Variants in EPHB2 observed in about 807,000 individuals in gnomAD.
EPHB2 encodes the protein EPH receptor B2.
EPHB2 carries 18 observed loss-of-function variants against 96.4 expected under a neutral mutation model. The ratio of observed to expected loss-of-function variants is 0.19; its 90% CI spans 0.13 to 0.28. EPHB2 has a LOEUF of 0.28. Ranked by LOEUF, EPHB2 falls within the 10% of genes least tolerant of loss-of-function variation. The pLI, the probability that EPHB2 is intolerant of heterozygous loss-of-function variation, is 1.00. For synonymous variants in EPHB2, 506 were observed against 534.1 expected, an observed-to-expected ratio of 0.95 and a Z score of 0.72; for missense variants, 989 against 1,355.4, an observed-to-expected ratio of 0.73 and a Z score of 4.25.
chr1:22,892,267 G>A (rs1639414032), intron 6 of EPHB2, among the ~76,000 whole-genome samples: 2 of 152,192 alleles, frequency 1.3e-5, no homozygotes, highest in African/African-American at 4.8e-5. Flanking sequence ...AATGAGGTGG[G>A]CCTTCTCCCT....
At chr1:22,828,617 G>A (rs987399586) in intron 3 of EPHB2, among the ~76,000 whole-genome samples, 1 of 152,192 alleles carries the variant, frequency 6.6e-6, no homozygotes, top group Non-Finnish European at 1.5e-5. Context: ...CAAGATGACA[G>A]GCTCACGTGA....
At chr1:22,764,008 C>G (rs1644271480) in intron 1 of EPHB2, among the ~76,000 whole-genome samples, 1 of 152,204 alleles carries the variant, frequency 6.6e-6, no homozygotes, top group South Asian at 2.1e-4. Context: ...ATTAGACCCA[C>G]TTGGCTAATC....
At chr1:22,753,056 C>T (rs1355339536) in intron 1 of EPHB2, among the ~76,000 whole-genome samples, 4 of 152,038 alleles carry the variant, frequency 2.6e-5, no homozygotes, top group Non-Finnish European at 5.9e-5. Flanking sequence ...GCTGGGACTA[C>T]AGGCATGAAC....
At chr1:22,726,629 C>T (rs1424611561) in intron 1 of EPHB2, among the ~76,000 whole-genome samples, 1 of 152,064 alleles carries the variant, frequency 6.6e-6, no homozygotes, top group Non-Finnish European at 1.5e-5. Flanking sequence ...ACCATGTTGG[C>T]CAGGCTGGTC....
At position 22,917,438 on chromosome 1, in the gene EPHB2, T is replaced by A. The variant is rs1391026965; in HGVS notation, c.*3868T>A. ...AAGACTCTTGCTAGGGAAGATAACGTAAATGCATTCAAAAGACAGGGTACC... is the reference window on the plus strand; with the variant it reads ...AAGACTCTTGCTAGGGAAGATAACGAAAATGCATTCAAAAGACAGGGTACC... On this transcript the variant is annotated 3_prime_UTR_variant, in exon 16 of 16. Transcript: ENST00000374630. 2 of 152,160 alleles carry A rather than the reference T, an allele frequency of 1.3e-5. No homozygotes were observed. Among genetic ancestry groups the A allele is most frequent in the Non-Finnish European group, 2.9e-5 (2 of 68,050 alleles). 9.4% of individuals were successfully genotyped at this position (152,160 alleles called of 1,614,324 possible).
chr1:22,717,805 C>G (rs1215004286), intron 1 of EPHB2, among the ~76,000 whole-genome samples: 2 of 152,206 alleles, frequency 1.3e-5, no homozygotes, highest in Admixed American at 1.3e-4. Context: ...CTCTCCTGTT[C>G]TATAAACAGC....
chr1:22,801,383 T>C (rs4506436), intron 3 of EPHB2, among the ~76,000 whole-genome samples: 109,505 of 151,786 alleles, frequency 0.72, 40,356 homozygotes, highest in Middle Eastern at 0.83. Context: ...ATCCCTTCAT[T>C]TTTATCCCAG....
intron 1 of EPHB2, among the ~76,000 whole-genome samples, chr1:22,725,280 G>C (rs1008800095): frequency 6.6e-6 from 1 of 152,080 alleles, no homozygotes; most frequent in Non-Finnish European, 1.5e-5. Flanking sequence ...GGATTGGATG[G>C]TTGGGTGAAT....
intron 1 of EPHB2, among the ~76,000 whole-genome samples, chr1:22,712,279 T>G (rs1281489681): frequency 6.6e-6 from 1 of 152,106 alleles, no homozygotes; most frequent in Non-Finnish European, 1.5e-5. Flanking sequence ...GTGACAAAAA[T>G]AGAACCCAGG....
intron 3 of EPHB2, among the ~76,000 whole-genome samples, chr1:22,830,437 G>C (rs536022630): frequency 6.6e-6 from 1 of 152,344 alleles, no homozygotes; most frequent in South Asian, 2.1e-4. Flanking sequence ...CACTGGGCAA[G>C]TGATATTATC....
At chr1:22,799,948 G>A (rs1266039940) in intron 3 of EPHB2, among the ~76,000 whole-genome samples, 1 of 152,194 alleles carries the variant, frequency 6.6e-6, no homozygotes. Flanking sequence ...TAAAGGCATT[G>A]CCATCTGATT....
chr1:22,790,759 C>T lies in EPHB2; in HGVS notation c.811+5683C>T, dbSNP rs544347841. On this transcript the variant is annotated intron_variant, in intron 3 of 15. Transcript: ENST00000374630. This position sits in a 1 kb window ranked among gnomAD's most constrained non-coding sequence, Gnocchi z 4.0. ...GCATGATTGCTGCGATGCTATCGGA[C>T]GTAATGGGATTTTTAATATTTAGCT... is the stretch of plus-strand genomic sequence containing the variant. Among the ~76,000 whole-genome samples, 16 of 152,350 alleles carry T rather than the reference C, an allele frequency of 1.1e-4. No individual in the cohort carries two copies. The highest frequency in any genetic ancestry group is 2.9e-4 in the African/African-American group (12 of 41,592).
intron 1 of EPHB2, among the ~76,000 whole-genome samples, chr1:22,759,273 T>C (rs1292651567): frequency 2.0e-5 from 3 of 152,146 alleles, no homozygotes; most frequent in Non-Finnish European, 4.4e-5. Context: ...TTATCTCATC[T>C]GTAAAATGGG....
At position 22,920,878 on chromosome 1, in the gene EPHB2, T is replaced by C. The variant is rs898138552; in HGVS notation, c.*7308T>C. 1.3e-5 allele frequency: 2 copies of C among 152,236 alleles called. No individual in the cohort carries two copies. Among genetic ancestry groups the C allele is most frequent in the Non-Finnish European group, 2.9e-5 (2 of 68,046 alleles). The allele number at this position is 152,236 out of a possible 1,614,324, so 9.4% of individuals were successfully genotyped here. ...ATGTCTTGCCTAATCCTCACACCTC[T>C]GTGAGACAGGTACAATTATTACTCC... On this transcript the variant is annotated 3_prime_UTR_variant, in exon 16 of 16. Coordinates refer to ENST00000374630, the MANE Select transcript of EPHB2 (RefSeq NM_017449.5).
intron 1 of EPHB2, among the ~76,000 whole-genome samples, chr1:22,746,828 G>A (rs1193085193): frequency 1.3e-5 from 2 of 152,154 alleles, no homozygotes; most frequent in Non-Finnish European, 2.9e-5. Context: ...CCGCTCTGAG[G>A]CCACATCCAC....
At chr1:22,865,445 C>T (rs1487182444) in intron 5 of EPHB2, among the ~76,000 whole-genome samples, 2 of 152,214 alleles carry the variant, frequency 1.3e-5, no homozygotes, top group East Asian at 3.8e-4. Flanking sequence ...AGTTAAGCTG[C>T]TGTAACAAAA....
At chr1:22,883,878 A>C (rs1639132145) in intron 6 of EPHB2, among the ~76,000 whole-genome samples, 1 of 152,312 alleles carries the variant, frequency 6.6e-6, no homozygotes. Context: ...CCAAGGAGAC[A>C]CTTGATCAAT....
Position 22,921,083 on chromosome 1 carries a change from G to A in EPHB2, c.*7513G>A, listed in dbSNP as rs1045808528. The A allele has an allele frequency of 6.6e-6, 1 of 151,576 alleles. No individual in the cohort carries two copies. The highest frequency in any genetic ancestry group is 2.1e-4 in the South Asian group (1 of 4,824). The allele number at this position is 151,576 out of a possible 1,614,324, so 9.4% of individuals were successfully genotyped here. On this transcript the variant is annotated 3_prime_UTR_variant, in exon 16 of 16. Transcript: ENST00000374630. ...TTTGCCAGTCAAATCCCAGATCCCCGGGGGGGCACTGTGGCACCCTCTTTG... is the reference window on the plus strand; with the variant it reads ...TTTGCCAGTCAAATCCCAGATCCCCAGGGGGGCACTGTGGCACCCTCTTTG...
intron 14 of EPHB2, among the ~76,000 whole-genome samples, chr1:22,912,001 C>T (rs1280057744): frequency 6.6e-6 from 1 of 152,196 alleles, no homozygotes; most frequent in Non-Finnish European, 1.5e-5. Flanking sequence ...AGAAGGTGAG[C>T]TTCCTATAGC....
Sources: allele counts gnomAD v4.1 joint callset (sites outside exome capture counted in the v4.1 genomes callset), GRCh38; gene constraint gnomAD v4.1.1; non-coding constraint Gnocchi (gnomAD v3.1); transcripts MANE v1.5; gene names NCBI Gene and HGNC (gene_info 2026-07-23, HGNC 2026-07-21).